The following MCCC1 variants were observed in gnomAD, a reference collection of about 807,000 sequenced individuals.
MCCC1 encodes the protein methylcrotonoyl-CoA carboxylase subunit alpha, mitochondrial.
Under a neutral mutation model 83.8 loss-of-function variants are expected in MCCC1, and 64 were observed. The ratio of observed to expected loss-of-function variants is 0.76; its 90% CI spans 0.62 to 0.94. The LOEUF (loss-of-function observed/expected upper bound fraction) is 0.94. Among genes scored for constraint, MCCC1 ranks in the 40% least tolerant of loss-of-function variants. The probability of loss-of-function intolerance (pLI) is 0.00; values close to 1 mark genes in which losing one functional copy is unlikely to be tolerated. For missense variants in MCCC1, 807 were observed against 904.7 expected, an observed-to-expected ratio of 0.89 and a Z score of 1.39; for synonymous variants, 322 against 315.4, an observed-to-expected ratio of 1.02 and a Z score of -0.22.
chr3:183,039,333 AC>A (rs1475092243), intron 11 of MCCC1, among the ~76,000 whole-genome samples, 198 bp from the exon 12 acceptor site: 1 of 152,166 alleles, frequency 6.6e-6, no homozygotes, highest in Non-Finnish European at 1.5e-5. Flanking sequence ...GAGGTGGGCC[AC>A]CCAACAGCAC....
chr3:183,070,069 TG>T (rs1038569112), intron 7 of MCCC1, among the ~76,000 whole-genome samples: 1 of 152,198 alleles, frequency 6.6e-6, no homozygotes, highest in Non-Finnish European at 1.5e-5. Context: ...ATGAGGTTGT[TG>T]TAAGAATTAT....
chr3:183,091,765 A>G (rs139002036), intron 3 of MCCC1, among the ~76,000 whole-genome samples: 2,134 of 151,734 alleles, frequency 0.014, 23 homozygotes, highest in Non-Finnish European at 0.019. Context: ...TGGATTGGCT[A>G]GGCACGGTGG....
Position 183,025,793 on chromosome 3 carries a change from C to T in MCCC1, c.1693G>A (p.Ala565Thr), listed in dbSNP as rs765994423. Residue 565 changes from alanine to threonine, a missense_variant, in exon 15 of 19, where the codon GCT becomes ACT. Transcript: ENST00000265594. Reference protein sequence around the residue: ...LKDGKNNVAIAVTYNHDGSYS... With the variant: ...LKDGKNNVAITVTYNHDGSYS... ...GACCCATCATGGTTATACGTTACAG[C>T]TATGGCTACATCTTTATGGAAAAAG... is the stretch of plus-strand genomic sequence containing the variant. 2.5e-6 allele frequency: 4 copies of T among 1,613,594 alleles called. No individual in the cohort carries two copies. Among genetic ancestry groups the T allele is most frequent in the South Asian group, 2.2e-5 (2 of 91,052 alleles).
At chr3:183,077,902 A>G (rs560240812) in intron 4 of MCCC1, among the ~76,000 whole-genome samples, 4 of 152,266 alleles carry the variant, frequency 2.6e-5, no homozygotes, top group African/African-American at 9.6e-5. Context: ...GAATTACTTT[A>G]GCACCTTTAT....
intron 4 of MCCC1, among the ~76,000 whole-genome samples, chr3:183,086,237 G>A (rs1717881340): frequency 6.6e-6 from 1 of 152,162 alleles, no homozygotes; most frequent in African/African-American, 2.4e-5. Flanking sequence ...CACCAAGCTT[G>A]TTTTCATCTC....
intron 17 of MCCC1, 177 bp from the exon 18 acceptor site, chr3:183,017,514 T>A: frequency 6.3e-6 from 4 of 633,134 alleles, no homozygotes. Context: ...AGAGGTCCTT[T>A]GTGGTCCACA....
chr3:183,114,364 C>T (rs1044616821), intron 1 of MCCC1, among the ~76,000 whole-genome samples: 7 of 151,810 alleles, frequency 4.6e-5, no homozygotes, highest in Non-Finnish European at 5.9e-5. Context: ...AAATTTTGAG[C>T]GTTAGCCGTC....
chr3:183,091,894 C>T (rs561847014), intron 3 of MCCC1, among the ~76,000 whole-genome samples: 11 of 152,074 alleles, frequency 7.2e-5, no homozygotes, highest in African/African-American at 2.2e-4. Flanking sequence ...AAAAATTAGC[C>T]GGTCGTGGTG....
intron 14 of MCCC1, among the ~76,000 whole-genome samples, chr3:183,027,476 A>T (rs540133590): frequency 6.6e-6 from 1 of 152,294 alleles, no homozygotes; most frequent in Non-Finnish European, 1.5e-5. Context: ...AAGTTCTTGA[A>T]GGAAGTTAAA....
At chr3:183,040,004 G>A (rs1310711226) in intron 11 of MCCC1, among the ~76,000 whole-genome samples, 2 of 149,080 alleles carry the variant, frequency 1.3e-5, no homozygotes, top group Admixed American at 6.7e-5. Context: ...GCTGAGGAAG[G>A]AGAATCATTT....
At chr3:183,099,246 C>G (rs1718970692) in intron 1 of MCCC1, 106 bp downstream of exon 1, 2 of 1,335,878 alleles carry the variant, frequency 1.5e-6, no homozygotes, top group Non-Finnish European at 2.1e-6. Context: ...TTCCTACCGT[C>G]CTCCCCACAC....
chr3:183,058,044 G>A (rs1393472288), intron 7 of MCCC1, among the ~76,000 whole-genome samples: 2 of 152,170 alleles, frequency 1.3e-5, no homozygotes, highest in African/African-American at 4.8e-5. Context: ...ACAGAAAATA[G>A]AGACTAAAGT....
chr3:183,024,483 TAG>T (rs1178494884), intron 15 of MCCC1, among the ~76,000 whole-genome samples: 10 of 152,038 alleles, frequency 6.6e-5, no homozygotes, highest in African/African-American at 2.4e-4. Context: ...AGGACTCGAA[TAG>T]AGATTTTTCT....
chr3:183,052,100 T>A, intron 9 of MCCC1, 59 bp downstream of exon 9: 1 of 1,528,568 alleles, frequency 6.5e-7, no homozygotes, highest in South Asian at 1.1e-5. Flanking sequence ...TCTCTTGCCT[T>A]CTAAAACATA....
At chr3:183,094,729 T>C in intron 1 of MCCC1, 124 bp from the exon 2 acceptor site, 2 of 918,466 alleles carry the variant, frequency 2.2e-6, no homozygotes, top group South Asian at 1.4e-5. Flanking sequence ...TTAGTAAGAC[T>C]TTCTTAGTGG....
Position 183,085,044 on chromosome 3 carries a change from G to A in MCCC1, c.369+1649C>T, listed in dbSNP as rs189746387. On this transcript the variant is annotated intron_variant, in intron 4 of 18. Coordinates refer to ENST00000265594, the MANE Select transcript of MCCC1 (RefSeq NM_020166.5). ...AGGAGCCAACATCTACATTAAACTC[G>A]TTAAACAAAGCACTAATTAAGTATA... is the stretch of plus-strand genomic sequence containing the variant. Among the ~76,000 whole-genome samples, 76 of 152,256 alleles carry A rather than the reference G, an allele frequency of 5.0e-4. 1 individual carries two copies. Among genetic ancestry groups the A allele is most frequent in the Admixed American group, 1.5e-3 (23 of 15,284 alleles).
intron 9 of MCCC1, among the ~76,000 whole-genome samples, chr3:183,048,439 T>C (rs1714715953): frequency 6.6e-6 from 1 of 152,140 alleles, no homozygotes; most frequent in Admixed American, 6.5e-5. Context: ...ACAAAGAATA[T>C]GCTAACACCA....
intron 15 of MCCC1, among the ~76,000 whole-genome samples, chr3:183,023,870 T>C (rs575861424): frequency 3.3e-5 from 5 of 152,328 alleles, no homozygotes; most frequent in Non-Finnish European, 5.9e-5. Context: ...AGGATTACCA[T>C]GAACTTTACA....
At chr3:183,099,863 C>G (rs1157005401), upstream of MCCC1, among the ~76,000 whole-genome samples, 1 of 152,222 alleles carries the variant, frequency 6.6e-6, no homozygotes, top group East Asian at 1.9e-4. Flanking sequence ...ATACACAATT[C>G]TCTAGTGCTC....
Sources: allele counts gnomAD v4.1 joint callset (sites outside exome capture counted in the v4.1 genomes callset), GRCh38; gene constraint gnomAD v4.1.1; transcripts MANE v1.5; gene names NCBI Gene and HGNC (gene_info 2026-07-23, HGNC 2026-07-21).